The following TRAPPC10 variants were observed in gnomAD, a reference collection of about 807,000 sequenced individuals.
The protein encoded by TRAPPC10 is trafficking protein particle complex subunit 10.
In TRAPPC10, 23 loss-of-function variants were observed where a neutral mutation model predicts 125.5. That is an observed-to-expected ratio of 0.18 (90% CI 0.13 to 0.26). The LOEUF is 0.26. TRAPPC10 is among the 10% of genes least tolerant of loss of function. The pLI is 1.00. For missense variants in TRAPPC10, 1,123 were observed against 1,308.4 expected (o/e 0.86, Z 2.19); for synonymous variants, 509 against 518.0 (o/e 0.98, Z 0.24).
intron 2 of TRAPPC10, among the ~76,000 whole-genome samples, chr21:44,032,826 A>G (rs1199431604): frequency 1.3e-5 from 2 of 152,254 alleles, no homozygotes; most frequent in Admixed American, 1.3e-4. Flanking sequence ...CAAAGGAGAC[A>G]CGTGCTCACT....
Position 44,086,939 on chromosome 21 carries a change from G to A in TRAPPC10, c.2518G>A (p.Val840Met), listed in dbSNP as rs893093867. 2 of 1,614,040 alleles carry A rather than the reference G, an allele frequency of 1.2e-6. No individual in the cohort carries two copies. The highest frequency in any genetic ancestry group is 2.7e-5 in the African/African-American group (2 of 74,924). Residue 840 changes from valine (V) to methionine (M), a missense_variant, in exon 16 of 23, where the codon GTG becomes ATG. By Grantham distance (21) the Val-to-Met change is conservative. Around this residue, in one of 4 missense-constraint regions of TRAPPC10, gnomAD observed 840 missense variants for 902.0 expected, o/e 0.93. Coordinates refer to ENST00000291574, the MANE Select transcript of TRAPPC10 (RefSeq NM_003274.5). ...CCTGTGCCAGGCGGAGAGCAGGGCT[G>A]TGGTCTACTCCAACACGAGAGGTGA... ...LILCQAESRA[V>M]VYSNTREQSS...
At chr21:44,057,403 G>A (rs909880144) in intron 5 of TRAPPC10, among the ~76,000 whole-genome samples, 1 of 151,794 alleles carries the variant, frequency 6.6e-6, no homozygotes, top group East Asian at 1.9e-4. Context: ...AGGTTTAAGC[G>A]ATTCTCCTGC....
intron 4 of TRAPPC10, among the ~76,000 whole-genome samples, chr21:44,055,303 GA>G (rs1255176692): frequency 6.6e-6 from 1 of 152,102 alleles, no homozygotes; most frequent in Non-Finnish European, 1.5e-5. Flanking sequence ...TTTATAGACG[GA>G]AGAAGCTAGA....
chr21:44,063,780 T>C lies in TRAPPC10; in HGVS notation c.1033T>C (p.Leu345=). Residue 345 remains leucine, a synonymous_variant, in exon 7 of 23, where the codon TTA becomes CTA. Coordinates refer to ENST00000291574, the MANE Select transcript of TRAPPC10 (RefSeq NM_003274.5). This position sits in a 1 kb window ranked among gnomAD's most constrained non-coding sequence, Gnocchi z 4.4. Reference sequence around the variant, plus strand: ...CAACTGCGTGCAGGAACTGAAGCTCTTAGAAGTGAGTCGGCTGTTTTCCCA... The same window carrying C: ...CAACTGCGTGCAGGAACTGAAGCTCCTAGAAGTGAGTCGGCTGTTTTCCCA... The part of the protein sequence containing the change: ...LHNCVQELKL[L]EVSVPPGALD... 6.2e-7 allele frequency: 1 copy of C among 1,611,302 alleles called. No homozygotes were observed. The highest frequency in any genetic ancestry group is 8.5e-7 in the Non-Finnish European group (1 of 1,178,338).
Position 44,063,606 on chromosome 21 carries a change from C to A in TRAPPC10, c.859C>A (p.Pro287Thr), listed in dbSNP as rs751132916. The change falls in exon 7 of 23, where the codon CCC (proline) becomes ACC (threonine). Residue 287 changes from proline to threonine, a missense_variant. Transcript: ENST00000291574. The surrounding 1 kb of genome is among the most constrained non-coding windows in gnomAD (Gnocchi z 4.4). Reference sequence around the variant, plus strand: ...CTGGAACGGATTGATCCTCCGAAAACCCATAGATATGGAGAAGCGGGAATC... The same window carrying A: ...CTGGAACGGATTGATCCTCCGAAAAACCATAGATATGGAGAAGCGGGAATC... ...KSWNGLILRK[P>T]IDMEKRESIQ... The A allele has an allele frequency of 6.2e-7, 1 of 1,614,218 alleles. No homozygotes were observed. The highest frequency in any genetic ancestry group is 1.1e-5 in the South Asian group (1 of 91,084).
chr21:44,032,893 C>T (rs955242794), intron 2 of TRAPPC10, among the ~76,000 whole-genome samples: 2 of 152,204 alleles, frequency 1.3e-5, no homozygotes, highest in African/African-American at 4.8e-5. Context: ...ACAAGACCCT[C>T]CCTCCACCCT....
At chr21:44,081,895 C>T (rs867634809) in intron 13 of TRAPPC10, among the ~76,000 whole-genome samples, 2 of 152,138 alleles carry the variant, frequency 1.3e-5, no homozygotes, top group African/African-American at 2.4e-5. Context: ...AGGGGGACAA[C>T]AAAAGATCCA....
At chr21:44,091,077 G>C (rs1488169978) in intron 18 of TRAPPC10, among the ~76,000 whole-genome samples, 3 of 152,170 alleles carry the variant, frequency 2.0e-5, no homozygotes, top group Non-Finnish European at 2.9e-5. Context: ...TGTAATCCCA[G>C]CTACTCGGGA....
chr21:44,032,298 C>T (rs2145686833), intron 2 of TRAPPC10, 126 bp downstream of exon 2: 1 of 713,274 alleles, frequency 1.4e-6, no homozygotes, highest in Middle Eastern at 2.5e-4. Context: ...AGTTAAAAGC[C>T]TCAGTTCTAA....
intron 7 of TRAPPC10, among the ~76,000 whole-genome samples, chr21:44,068,015 G>A (rs2036577041): frequency 6.6e-6 from 1 of 151,932 alleles, no homozygotes; most frequent in African/African-American, 2.4e-5. Flanking sequence ...AGCTACTCGG[G>A]AGGCTGGGGC....
intron 1 of TRAPPC10, among the ~76,000 whole-genome samples, chr21:44,030,228 TGA>T (rs1226656727): frequency 1.3e-5 from 2 of 149,810 alleles, no homozygotes; most frequent in Middle Eastern, 3.2e-3. Context: ...AGATAGAATG[TGA>T]GAGAGAGAGC....
rs181466640 is a variant in TRAPPC10, at chr21:44,090,054, G to A, written c.2870+121G>A. 317 of 665,186 alleles carry A rather than the reference G, an allele frequency of 4.8e-4. 1 individual carries two copies. The African/African-American group carries it at 5.1e-3, about 11-fold the overall frequency. 41.2% of individuals were successfully genotyped at this position (665,186 alleles called of 1,614,324 possible). A position where few individuals can be genotyped will look rare whatever the true frequency, so the allele number is the denominator to read the frequency against. On this transcript the variant is annotated intron_variant, in intron 18 of 22. Coordinates refer to ENST00000291574, the MANE Select transcript of TRAPPC10 (RefSeq NM_003274.5). ...GGATGTCTTCTTATGTGACCACAAG[G>A]CCATTGTTTGTGTCTTAAAATCCAC...
At chr21:44,025,819 GGGGTGTGTGTGTGT>G (rs1381139283) in intron 1 of TRAPPC10, among the ~76,000 whole-genome samples, 9 of 132,198 alleles carry the variant, frequency 6.8e-5, no homozygotes, top group African/African-American at 2.6e-4. Flanking sequence ...GCAGAGGGCA[GGGGTGTGTGTGTGT>G]GTGTGTGTGT....
intron 1 of TRAPPC10, among the ~76,000 whole-genome samples, chr21:44,021,374 T>C (rs948758662): frequency 7.9e-5 from 12 of 152,104 alleles, no homozygotes; most frequent in Non-Finnish European, 1.8e-4. Flanking sequence ...AGACAAATAA[T>C]GTTAGGTGAC....
rs1383271174 is a variant in TRAPPC10, at chr21:44,087,140, A to G, written c.2539+180A>G. Among the ~76,000 whole-genome samples, 1 of 152,196 alleles carries G rather than the reference A, an allele frequency of 6.6e-6. No homozygotes were observed. The highest frequency in any genetic ancestry group is 2.4e-5 in the African/African-American group (1 of 41,462). ...GTGCTGGGGTCCCATCTGAGGTGAT[A>G]AACTGAGAGTGGTTCACACGCTGAG... On this transcript the variant is annotated intron_variant, in intron 16 of 22. Transcript: ENST00000291574. The surrounding 1 kb of genome is among the most constrained non-coding windows in gnomAD (Gnocchi z 4.6).
intron 1 of TRAPPC10, among the ~76,000 whole-genome samples, chr21:44,018,928 G>A (rs939987316): frequency 6.6e-6 from 1 of 152,286 alleles, no homozygotes; most frequent in African/African-American, 2.4e-5. Context: ...GCATGCCTTA[G>A]TGTGTAAGTG....
At chr21:44,062,871 A>G (rs2036161211) in intron 6 of TRAPPC10, 2 of 985,318 alleles carry the variant, frequency 2.0e-6, no homozygotes, top group South Asian at 4.7e-5. Context: ...AATAGATTCA[A>G]AGATTTTTTT....
At chr21:44,080,818 T>C in intron 13 of TRAPPC10, among the ~76,000 whole-genome samples, 1 of 151,662 alleles carries the variant, frequency 6.6e-6, no homozygotes, top group African/African-American at 2.4e-5. Context: ...GGATTACAGA[T>C]GTGAGCCACC....
chr21:44,045,297 G>C (rs924022983), intron 3 of TRAPPC10, among the ~76,000 whole-genome samples: 1 of 152,150 alleles, frequency 6.6e-6, no homozygotes, highest in African/African-American at 2.4e-5. Flanking sequence ...CCTGCTGACC[G>C]AAGGATTTCT....
Sources: allele counts gnomAD v4.1 joint callset (sites outside exome capture counted in the v4.1 genomes callset), GRCh38; gene constraint gnomAD v4.1.1; regional missense constraint gnomAD v4.1.1; non-coding constraint Gnocchi (gnomAD v3.1); transcripts MANE v1.5; gene names NCBI Gene and HGNC (gene_info 2026-07-23, HGNC 2026-07-21).